The following TNNI3K variants were observed in gnomAD, a reference collection of about 807,000 sequenced individuals.
The protein encoded by TNNI3K is serine/threonine-protein kinase TNNI3K.
TNNI3K carries 140 observed loss-of-function variants against 114.5 expected under a neutral mutation model. The observed-to-expected ratio is 1.22, with a 90% CI of 1.07 to 1.41. The LOEUF (loss-of-function observed/expected upper bound fraction) is 1.41, where lower values mean the gene tolerates loss of function less well. Ranked by LOEUF, TNNI3K falls within the 40% of genes most tolerant of loss-of-function variation. TNNI3K has a pLI of 0.00. For missense variants in TNNI3K, 1,125 were observed against 1,007.6 expected (o/e 1.12, Z -1.58); for synonymous variants, 347 against 347.5 (o/e 1.00, Z 0.02).
intron 7 of TNNI3K, chr1:74,341,780 A>G (rs1307943996): frequency 6.6e-6 from 1 of 152,120 alleles, no homozygotes; most frequent in Non-Finnish European, 1.5e-5. Flanking sequence ...AGGCACACAT[A>G]AACTGTTGTG....
chr1:74,428,056 G>A (rs975862910), intron 17 of TNNI3K, among the ~76,000 whole-genome samples: 22 of 151,908 alleles, frequency 1.4e-4, no homozygotes, highest in African/African-American at 5.3e-4. Context: ...TTAGAGGTAA[G>A]CCTTCAAATA....
At chr1:74,410,636 A>G (rs1664837300) in intron 17 of TNNI3K, among the ~76,000 whole-genome samples, 1 of 152,238 alleles carries the variant, frequency 6.6e-6, no homozygotes. Context: ...CTAAACCATG[A>G]AAGACTAGAT....
chr1:74,449,299 C>T (rs1482038475), intron 20 of TNNI3K, among the ~76,000 whole-genome samples: 4 of 150,976 alleles, frequency 2.6e-5, no homozygotes, highest in Admixed American at 6.6e-5. Flanking sequence ...TCTGTGGGAT[C>T]GGTGGTGATA....
At position 74,489,240 on chromosome 1, in the gene TNNI3K, A is replaced by G. The variant is rs766670990; in HGVS notation, c.2173A>G (p.Asn725Asp). ...VVMKLEECLC[N>D]IELMSPASSN... ...CATGAAGTTAGAAGAGTGTCTCTGCAACATTGAGGTAAAAGCTTTAGCTTC... is the reference window on the plus strand; with the variant it reads ...CATGAAGTTAGAAGAGTGTCTCTGCGACATTGAGGTAAAAGCTTTAGCTTC... The change falls in exon 22 of 25, where the codon AAC becomes GAC. Residue 725 changes from asparagine to aspartate, a missense_variant. Physicochemically the swap from Asn to Asp is conservative, Grantham distance 23 (BLOSUM62 1). Transcript: ENST00000326637. 3 of 1,611,468 alleles carry G rather than the reference A, an allele frequency of 1.9e-6. No individual in the cohort carries two copies. Among genetic ancestry groups the G allele is most frequent in the Non-Finnish European group, 2.5e-6 (3 of 1,178,964 alleles).
chr1:74,308,254 G>T (rs1273686478), intron 5 of TNNI3K, among the ~76,000 whole-genome samples: 4 of 151,930 alleles, frequency 2.6e-5, no homozygotes, highest in African/African-American at 9.7e-5. Flanking sequence ...ATTGACCATA[G>T]GCTTAGTCAT....
chr1:74,433,755 A>G (rs1023365519), intron 17 of TNNI3K, among the ~76,000 whole-genome samples: 2 of 152,058 alleles, frequency 1.3e-5, no homozygotes, highest in African/African-American at 4.8e-5. Flanking sequence ...GTTGTTTATC[A>G]GGTGGGTCTA....
chr1:74,361,175 T>C (rs1411680805), intron 11 of TNNI3K, among the ~76,000 whole-genome samples: 2 of 152,112 alleles, frequency 1.3e-5, no homozygotes, highest in African/African-American at 4.8e-5. Flanking sequence ...TTTTAAAATA[T>C]GTTCTAAAGC....
chr1:74,344,967 A>G (rs1557509751), intron 9 of TNNI3K, among the ~76,000 whole-genome samples: 1 of 152,130 alleles, frequency 6.6e-6, no homozygotes, highest in Non-Finnish European at 1.5e-5. Flanking sequence ...TGTGGTTTTC[A>G]TATGTATACA....
intron 5 of TNNI3K, among the ~76,000 whole-genome samples, chr1:74,277,246 A>G (rs969227985): frequency 1.3e-4 from 20 of 152,140 alleles, no homozygotes; most frequent in African/African-American, 4.8e-4. Flanking sequence ...GAGAAGCTGA[A>G]TGACATCTAC....
chr1:74,538,917 C>T (rs564617061), intron 23 of TNNI3K, among the ~76,000 whole-genome samples: 1 of 152,114 alleles, frequency 6.6e-6, no homozygotes, highest in Non-Finnish European at 1.5e-5. Context: ...TAGGAAGGAC[C>T]AGAACCTTAT....
chr1:74,353,323 C>A lies in TNNI3K; in HGVS notation c.990C>A (p.Val330=). 1 of 1,613,556 alleles carries A rather than the reference C, an allele frequency of 6.2e-7. No homozygotes were observed. The highest frequency in any genetic ancestry group is 1.1e-5 in the South Asian group (1 of 91,038). The part of the protein sequence containing the change: ...DLVKFLLDQN[V]ININHQGRDG... ...TCAAATTTCTTCTTGATCAGAATGT[C>A]ATAAACATCAACCACCAAGGAAGGG... Residue 330 remains valine, a synonymous_variant, in exon 10 of 25, where the codon GTC becomes GTA. Transcript: ENST00000326637.
chr1:74,405,263 C>T (rs994269134), intron 17 of TNNI3K, among the ~76,000 whole-genome samples: 4 of 151,988 alleles, frequency 2.6e-5, no homozygotes, highest in Admixed American at 2.6e-4. Context: ...GCTTAGGTAT[C>T]TCAGTGTGAT....
chr1:74,401,759 A>G, intron 17 of TNNI3K: 1 of 428,884 alleles, frequency 2.3e-6, no homozygotes, highest in South Asian at 1.7e-5. Flanking sequence ...TGCCATGTAA[A>G]TTCAAACCAT....
rs966335267 is a variant in TNNI3K at position 74,273,122 on chromosome 1, A to C, written c.444+1414A>C. ...AAATTATACTTGAAGCCTGTAAAAC[A>C]GAGGTGATCCATCTCCCTTAACAGT... On this transcript the variant is annotated intron_variant, in intron 5 of 24. Coordinates refer to ENST00000326637, the MANE Select transcript of TNNI3K (RefSeq NM_015978.3). Among the ~76,000 whole-genome samples the C allele has an allele frequency of 5.9e-5, 9 of 151,978 alleles. No homozygotes were observed. The East Asian group carries it at 1.5e-3, about 26-fold the overall frequency.
At chr1:74,343,538 C>G (rs1178086979) in intron 9 of TNNI3K, among the ~76,000 whole-genome samples, 1 of 152,208 alleles carries the variant, frequency 6.6e-6, no homozygotes, top group Admixed American at 6.5e-5. Context: ...TAATCCTCCT[C>G]CAACAAGAAT....
At chr1:74,477,064 A>T (rs1488162826) in intron 21 of TNNI3K, among the ~76,000 whole-genome samples, 1 of 152,164 alleles carries the variant, frequency 6.6e-6, no homozygotes, top group African/African-American at 2.4e-5. Context: ...GCACATTTTT[A>T]AAGTTGTAGC....
intron 23 of TNNI3K, among the ~76,000 whole-genome samples, chr1:74,505,018 C>G (rs1166273509): frequency 6.6e-6 from 1 of 152,190 alleles, no homozygotes; most frequent in African/African-American, 2.4e-5. Context: ...ATTGGGACAA[C>G]GAATGGCCTG....
At position 74,484,102 on chromosome 1, in the gene TNNI3K, A is replaced by G. The variant is rs376869988; in HGVS notation, c.2122-5087A>G. Reference sequence around the variant, plus strand: ...TACTCTAAGTGTTTAGTAAATGTTAAACTTTACCTTTATTTTAAAGCTTTC... The same window carrying G: ...TACTCTAAGTGTTTAGTAAATGTTAGACTTTACCTTTATTTTAAAGCTTTC... On this transcript the variant is annotated intron_variant, in intron 21 of 24. Coordinates refer to ENST00000326637, the MANE Select transcript of TNNI3K (RefSeq NM_015978.3). Among the ~76,000 whole-genome samples, 16 of 152,044 alleles carry G rather than the reference A, an allele frequency of 1.1e-4. No homozygotes were observed. The East Asian group carries it at 1.5e-3, about 15-fold the overall frequency.
At chr1:74,396,087 T>C (rs944870854) in intron 17 of TNNI3K, among the ~76,000 whole-genome samples, 2 of 152,148 alleles carry the variant, frequency 1.3e-5, no homozygotes, top group African/African-American at 4.8e-5. Context: ...AAGAGCGTAA[T>C]AAATAGCCTT....
Sources: allele counts gnomAD v4.1 joint callset (sites outside exome capture counted in the v4.1 genomes callset), GRCh38; gene constraint gnomAD v4.1.1; transcripts MANE v1.5; gene names NCBI Gene and HGNC (gene_info 2026-07-23, HGNC 2026-07-21).